EIF2AK2: variants seen among roughly 807,000 people sequenced by gnomAD.
EIF2AK2 encodes eukaryotic translation initiation factor 2 alpha kinase 2.
EIF2AK2 carries 40 observed loss-of-function variants against 70.5 expected under a neutral mutation model. The observed-to-expected ratio is 0.57, with a 90% CI of 0.44 to 0.74. The LOEUF (loss-of-function observed/expected upper bound fraction) is 0.74. EIF2AK2 is among the 30% of genes least tolerant of loss of function. The pLI, the probability that EIF2AK2 is intolerant of heterozygous loss-of-function variation, is 0.00. For synonymous variants in EIF2AK2, 198 were observed against 220.9 expected (o/e 0.90, Z 0.92); for missense variants, 555 against 644.3 (o/e 0.86, Z 1.50).
intron 10 of EIF2AK2, among the ~76,000 whole-genome samples, chr2:37,130,886 T>G (rs1408715144): frequency 2.0e-5 from 3 of 152,238 alleles, no homozygotes; most frequent in African/African-American, 7.2e-5. Context: ...TTAAATTTTT[T>G]GGCTGAATGT....
At chr2:37,135,363 C>T (rs780102983) in intron 10 of EIF2AK2, 121 bp downstream of exon 10, 5 of 775,352 alleles carry the variant, frequency 6.4e-6, no homozygotes, top group South Asian at 1.8e-5. Context: ...TCTTACCCTG[C>T]GTAGTTAATC....
chr2:37,131,206 A>G (rs1299741766), intron 10 of EIF2AK2, among the ~76,000 whole-genome samples: 1 of 152,130 alleles, frequency 6.6e-6, no homozygotes, highest in Non-Finnish European at 1.5e-5. Context: ...AATGTGCCTT[A>G]TTACAGGCCC....
rs1313925123 is a variant in EIF2AK2 at position 37,106,588 on chromosome 2, G to A, written c.*685C>T. On this transcript the variant is annotated 3_prime_UTR_variant, in exon 17 of 17. Transcript: ENST00000233057. ...CATCACTTTTTTTTTTTTTTTTAAT[G>A]AGTACCATATTTCTCCAGCTGGCTT... is the stretch of plus-strand genomic sequence containing the variant. The A allele has an allele frequency of 6.9e-6, 1 of 145,816 alleles. No homozygotes were observed. The highest frequency in any genetic ancestry group is 1.5e-5 in the Non-Finnish European group (1 of 66,958). 9.0% of individuals were successfully genotyped at this position (145,816 alleles called of 1,614,324 possible).
intron 6 of EIF2AK2, among the ~76,000 whole-genome samples, chr2:37,139,314 C>CAA (rs111711091): frequency 1.5e-4 from 10 of 67,310 alleles, no homozygotes; most frequent in Admixed American, 1.8e-4. Flanking sequence ...GATTCCATCT[C>CAA]AAAAAAAAAA....
chr2:37,147,682 A>G lies in EIF2AK2; in HGVS notation c.119+6T>C. 1 of 1,575,560 alleles carries G rather than the reference A, an allele frequency of 6.3e-7. No homozygotes were observed. Among genetic ancestry groups the G allele is most frequent in the Non-Finnish European group, 8.7e-7 (1 of 1,146,708 alleles). On this transcript the variant is annotated splice_donor_region_variant and intron_variant, in intron 3 of 16. Transcript: ENST00000233057. ...GGCTGCCATATCATTTTTTATAGCA[A>G]CCTACCTCCTATCATGTGGAGGTCC...
intron 13 of EIF2AK2, among the ~76,000 whole-genome samples, chr2:37,116,410 C>A (rs1298858666): frequency 6.6e-6 from 1 of 152,132 alleles, no homozygotes; most frequent in African/African-American, 2.4e-5. Flanking sequence ...ACCACAAAAA[C>A]AGGAAGGTAG....
At chr2:37,113,890 CAATT>C (rs1465019792) in intron 14 of EIF2AK2, among the ~76,000 whole-genome samples, 3 of 152,098 alleles carry the variant, frequency 2.0e-5, no homozygotes, top group Admixed American at 6.5e-5. Flanking sequence ...TTTAGAATGA[CAATT>C]AAACAGCAAT....
At chr2:37,110,080 T>A (rs944286515) in intron 14 of EIF2AK2, among the ~76,000 whole-genome samples, 6 of 138,542 alleles carry the variant, frequency 4.3e-5, no homozygotes, top group African/African-American at 5.9e-5. Context: ...AAATGTTGCC[T>A]TTTTTTTTTT....
chr2:37,155,111 C>T (rs189919156), intron 1 of EIF2AK2, among the ~76,000 whole-genome samples: 3 of 152,182 alleles, frequency 2.0e-5, no homozygotes, highest in East Asian at 1.9e-4. Context: ...CTCAAAAGCA[C>T]GCTTCCACCA....
chr2:37,109,451 A>G, intron 14 of EIF2AK2, 156 bp from the exon 15 acceptor site: 1 of 597,944 alleles, frequency 1.7e-6, no homozygotes, highest in Non-Finnish European at 3.0e-6. Flanking sequence ...CTAGGTTCAA[A>G]TCTGTACCGC....
chr2:37,131,364 A>C (rs565261676), intron 10 of EIF2AK2, among the ~76,000 whole-genome samples: 1 of 152,276 alleles, frequency 6.6e-6, no homozygotes, highest in African/African-American at 2.4e-5. Context: ...CCCATTTACA[A>C]AACCTGGCCC....
At chr2:37,132,458 G>C (rs1674976632) in intron 10 of EIF2AK2, among the ~76,000 whole-genome samples, 1 of 152,154 alleles carries the variant, frequency 6.6e-6, no homozygotes, top group Non-Finnish European at 1.5e-5. Context: ...CCATGGTGGT[G>C]CGTGCCTGTA....
At chr2:37,108,659 TC>T (rs1325010179) in intron 15 of EIF2AK2, among the ~76,000 whole-genome samples, 1 of 152,166 alleles carries the variant, frequency 6.6e-6, no homozygotes, top group Non-Finnish European at 1.5e-5. Context: ...AACCTCCGCC[TC>T]CCAGGTTCAA....
chr2:37,107,962 A>G (rs1319799204), intron 15 of EIF2AK2, among the ~76,000 whole-genome samples: 1 of 152,030 alleles, frequency 6.6e-6, no homozygotes, highest in East Asian at 1.9e-4. Flanking sequence ...CCTGACCAAC[A>G]TGGTGAAACC....
intron 14 of EIF2AK2, among the ~76,000 whole-genome samples, chr2:37,111,954 T>TAGATAGATAG (rs1350907171): frequency 6.9e-6 from 1 of 143,998 alleles, no homozygotes; most frequent in African/African-American, 2.6e-5. Flanking sequence ...TATATATATA[T>TAGATAGATAG]ATAGATTTTG....
chr2:37,125,253 C>T (rs540670089), intron 11 of EIF2AK2, among the ~76,000 whole-genome samples: 2 of 152,124 alleles, frequency 1.3e-5, no homozygotes, highest in Admixed American at 6.5e-5. Flanking sequence ...TCAGGTGATC[C>T]GCCTGCCACG....
chr2:37,138,108 C>CAAAAAAAA (rs59032875), intron 8 of EIF2AK2, among the ~76,000 whole-genome samples, 162 bp downstream of exon 8: 1 of 67,114 alleles, frequency 1.5e-5, no homozygotes, highest in Non-Finnish European at 3.3e-5. Context: ...GACTCCATCT[C>CAAAAAAAA]AAAAAAAAAA....
Position 37,103,344 on chromosome 2 carries a change from T to C in EIF2AK2, c.*3929A>G, listed in dbSNP as rs183221906. On this transcript the variant is annotated 3_prime_UTR_variant, in exon 17 of 17. Transcript: ENST00000233057. ...CCGAGTAGCTGGGATTACAGGCGCC[T>C]ACCACCACACCCAGCTAATTTTTGT... 0.034 allele frequency: 5,243 copies of C among 152,194 alleles called. 126 individuals carry two copies. The highest frequency in any genetic ancestry group is 0.052 in the Non-Finnish European group (3,560 of 68,136). 9.4% of individuals were successfully genotyped at this position (152,194 alleles called of 1,614,324 possible).
chr2:37,122,603 T>C lies in EIF2AK2; in HGVS notation c.970A>G (p.Asn324Asp). 1 of 1,614,178 alleles carries C rather than the reference T, an allele frequency of 6.2e-7. No homozygotes were observed. The highest frequency in any genetic ancestry group is 1.1e-5 in the South Asian group (1 of 91,074). ...KLDHVNIVHY[N>D]GCWDGFDYDP... ...TAATCAAATCCATCCCAACAGCCAT[T>C]GTAGTGAACAATATTTACATGATCA... The change falls in exon 12 of 17, where the codon AAT becomes GAT. Residue 324 changes from asparagine (N) to aspartate (D), a missense_variant. This residue lies in a region of EIF2AK2 where 299 missense variants were observed against 375.4 expected (regional missense o/e 0.80). Coordinates refer to ENST00000233057, the MANE Select transcript of EIF2AK2 (RefSeq NM_001135651.3).
Sources: gnomAD v4.1 joint callset for allele counts (sites outside exome capture counted in the v4.1 genomes callset) on GRCh38, gnomAD v4.1.1 for gene constraint, gnomAD v4.1.1 regional missense constraint, MANE v1.5 for transcripts, NCBI Gene and HGNC (gene_info 2026-07-23, HGNC 2026-07-21) for gene names.